PDE4D: variants seen among roughly 807,000 people sequenced by gnomAD.
The protein encoded by PDE4D is phosphodiesterase 4D.
A neutral mutation model predicts 87.4 loss-of-function variants in PDE4D; 24 were observed. The observed-to-expected ratio is 0.27, with a 90% CI of 0.20 to 0.39. The LOEUF (loss-of-function observed/expected upper bound fraction) is 0.39. Among genes scored for constraint, PDE4D ranks in the 10% least tolerant of loss-of-function variants. The pLI, the probability that PDE4D is intolerant of heterozygous loss-of-function variation, is 1.00. For missense variants in PDE4D, 714 were observed against 1,041.0 expected (o/e 0.69, Z 4.32); for synonymous variants, 384 against 383.2 (o/e 1.00, Z -0.02).
intron 1 of PDE4D, among the ~76,000 whole-genome samples, chr5:59,244,647 T>C (rs1313961342): frequency 2.1e-5 from 3 of 143,822 alleles, no homozygotes; most frequent in Non-Finnish European, 4.5e-5. Flanking sequence ...TATACATATA[T>C]ATGTATAGAT....
chr5:59,530,570 A>G (rs981740632), intron 1 of PDE4D, among the ~76,000 whole-genome samples: 2 of 152,158 alleles, frequency 1.3e-5, no homozygotes, highest in Non-Finnish European at 2.9e-5. Context: ...AATGACAAGA[A>G]AAGTCTGTAC....
chr5:59,345,490 A>G (rs945933125), intron 1 of PDE4D, among the ~76,000 whole-genome samples: 1 of 152,214 alleles, frequency 6.6e-6, no homozygotes, highest in Non-Finnish European at 1.5e-5. Flanking sequence ...CTATTTCTGC[A>G]TATCAGATCG....
chr5:59,168,497 T>C (rs756999422), intron 5 of PDE4D, among the ~76,000 whole-genome samples: 1 of 152,194 alleles, frequency 6.6e-6, no homozygotes, highest in Non-Finnish European at 1.5e-5. Context: ...AAGAATCCTA[T>C]ACCCCCTGGC....
At chr5:59,916,418 A>G (rs533906801) in intron 3 of PDE4D, among the ~76,000 whole-genome samples, 2 of 152,344 alleles carry the variant, frequency 1.3e-5, no homozygotes, top group Non-Finnish European at 2.9e-5. Context: ...AGTTCATGCA[A>G]AACAAAAAAA....
chr5:59,151,909 G>A (rs1779534950), intron 5 of PDE4D, among the ~76,000 whole-genome samples: 1 of 151,924 alleles, frequency 6.6e-6, no homozygotes, highest in Admixed American at 6.6e-5. Flanking sequence ...AAGGAGTGAG[G>A]GAAGAGACTG....
chr5:59,965,310 C>T (rs978759178), intron 3 of PDE4D, among the ~76,000 whole-genome samples: 1 of 152,172 alleles, frequency 6.6e-6, no homozygotes, highest in Non-Finnish European at 1.5e-5. Flanking sequence ...TATATCTCAT[C>T]ACTCCCCTTT....
At chr5:60,157,354 C>T (rs1782065249) in intron 2 of PDE4D, among the ~76,000 whole-genome samples, 1 of 152,028 alleles carries the variant, frequency 6.6e-6, no homozygotes, top group Admixed American at 6.5e-5. Context: ...GTTCTAGGTA[C>T]AAGAAAATTA....
intron 1 of PDE4D, among the ~76,000 whole-genome samples, chr5:59,568,008 C>T (rs1425838845): frequency 2.0e-5 from 3 of 152,148 alleles, no homozygotes; most frequent in African/African-American, 4.8e-5. Flanking sequence ...ATGAACACAC[C>T]TATTGCTCAA....
chr5:59,949,002 A>C (rs1368640072), intron 3 of PDE4D, among the ~76,000 whole-genome samples: 1 of 152,206 alleles, frequency 6.6e-6, no homozygotes, highest in Non-Finnish European at 1.5e-5. Flanking sequence ...AGTTTAAGTA[A>C]CTCATCCAGG....
intron 5 of PDE4D, among the ~76,000 whole-genome samples, chr5:59,050,983 C>G (rs1243842221): frequency 6.6e-6 from 1 of 152,194 alleles, no homozygotes; most frequent in Admixed American, 6.5e-5. Flanking sequence ...CACAGATTCT[C>G]AATCCTAAAA....
intron 1 of PDE4D, among the ~76,000 whole-genome samples, chr5:60,207,910 C>T (rs113581548): frequency 0.014 from 2,082 of 152,282 alleles, 21 homozygotes; most frequent in Middle Eastern, 0.034. Flanking sequence ...TTGACCCAAA[C>T]TTAAATGGGG....
intron 1 of PDE4D, among the ~76,000 whole-genome samples, chr5:59,774,475 T>A (rs1763876504): frequency 6.6e-6 from 1 of 152,176 alleles, no homozygotes; most frequent in South Asian, 2.1e-4. Context: ...TGTCTTGATT[T>A]ACATGACAGC....
At chr5:60,074,467 G>C (rs986960291) in intron 2 of PDE4D, among the ~76,000 whole-genome samples, 1 of 152,000 alleles carries the variant, frequency 6.6e-6, no homozygotes, top group East Asian at 1.9e-4. Context: ...TTGGTGATGA[G>C]AAGAATACAT....
chr5:59,739,034 G>A (rs928777104), intron 1 of PDE4D, among the ~76,000 whole-genome samples: 5 of 152,092 alleles, frequency 3.3e-5, no homozygotes, highest in Non-Finnish European at 5.9e-5. Context: ...CAAAAGAAAA[G>A]TGATTCTTTT....
chr5:60,171,925 CT>C (rs1783468158), intron 2 of PDE4D, among the ~76,000 whole-genome samples: 1 of 151,476 alleles, frequency 6.6e-6, no homozygotes, highest in Non-Finnish European at 1.5e-5. Context: ...AATTTTGAGA[CT>C]TTTTCCTCAT....
At chr5:59,453,815 T>C (rs562381671) in intron 1 of PDE4D, among the ~76,000 whole-genome samples, 47 of 152,342 alleles carry the variant, frequency 3.1e-4, no homozygotes, top group African/African-American at 8.9e-4. Context: ...CAGAAGATCA[T>C]TGAAACTACA....
chr5:59,632,723 T>A (rs376420199), intron 1 of PDE4D, among the ~76,000 whole-genome samples: 29 of 152,066 alleles, frequency 1.9e-4, no homozygotes, highest in Admixed American at 2.6e-4. Flanking sequence ...AAAAACTCCA[T>A]CTAAAGGTCA....
intron 1 of PDE4D, among the ~76,000 whole-genome samples, chr5:59,317,034 G>C (rs766321554): frequency 3.3e-5 from 5 of 152,172 alleles, no homozygotes; most frequent in Non-Finnish European, 7.4e-5. Flanking sequence ...ACTATAGGCA[G>C]GCACTACATC....
intron 5 of PDE4D, among the ~76,000 whole-genome samples, chr5:59,087,908 C>T (rs1207475609): frequency 6.6e-6 from 1 of 152,178 alleles, no homozygotes; most frequent in Non-Finnish European, 1.5e-5. Context: ...TGATTTTCTT[C>T]TCTTCTCTAG....
Sources: allele counts gnomAD v4.1 joint callset (sites outside exome capture counted in the v4.1 genomes callset), GRCh38; gene constraint gnomAD v4.1.1; transcripts MANE v1.5; gene names NCBI Gene and HGNC (gene_info 2026-07-23, HGNC 2026-07-21).